The following CEP63 variants were observed in gnomAD, a reference collection of about 807,000 sequenced individuals.
The protein encoded by CEP63 is centrosomal protein of 63 kDa.
In CEP63, 84 loss-of-function variants were observed where a neutral mutation model predicts 89.1. The ratio of observed to expected loss-of-function variants is 0.94; its 90% CI spans 0.79 to 1.13. CEP63 has a LOEUF of 1.13. Ranked by LOEUF, CEP63 falls within the 50% of genes most tolerant of loss-of-function variation. The pLI is 0.00. For synonymous variants in CEP63, 267 were observed against 272.5 expected, an observed-to-expected ratio of 0.98 and a Z score of 0.20; for missense variants, 838 against 813.3, an observed-to-expected ratio of 1.03 and a Z score of -0.37.
chr3:134,603,831 G>A, the CEP63 span: 354 of 1,613,958 alleles, frequency 2.2e-4, 1 homozygote, highest in African/African-American at 4.0e-3. Flanking sequence ...GCAGCTCATT[G>A]TCCTGTCCCC....
the CEP63 span, among the ~76,000 whole-genome samples, chr3:134,667,885 T>C: frequency 3.3e-5 from 5 of 152,230 alleles, no homozygotes. Flanking sequence ...AGTAAGATGA[T>C]ACAGAGCAAA....
At chr3:134,542,782 C>T (rs1952325984) in intron 6 of CEP63, among the ~76,000 whole-genome samples, 1 of 152,118 alleles carries the variant, frequency 6.6e-6, no homozygotes, top group Admixed American at 6.5e-5. Flanking sequence ...GTTTCAGTCT[C>T]CCTGATGTAA....
In CEP63 at chr3:134,558,230, A is replaced by C. The variant is rs766756223; in HGVS notation, c.1556A>C (p.Asp519Ala). The C allele has an allele frequency of 6.2e-7, 1 of 1,613,728 alleles. No individual in the cohort carries two copies. Among genetic ancestry groups the C allele is most frequent in the Non-Finnish European group, 8.5e-7 (1 of 1,179,690 alleles). ...LVSENQQLQKDLMNTKSQLEI... is the reference protein window; with the variant it reads ...LVSENQQLQKALMNTKSQLEI... Reference sequence around the variant, plus strand: ...TCTGAAAATCAACAACTACAGAAAGATTTGATGAATACCAAATCTCAGCTG... The same window carrying C: ...TCTGAAAATCAACAACTACAGAAAGCTTTGATGAATACCAAATCTCAGCTG... The change falls in exon 13 of 15, where the codon GAT becomes GCT. Residue 519 changes from aspartate to alanine, a missense_variant. Physicochemically the swap from Asp to Ala is moderately radical, Grantham distance 126. Transcript: ENST00000675561.
the CEP63 span, among the ~76,000 whole-genome samples, chr3:134,736,334 T>C: frequency 6.6e-6 from 1 of 152,152 alleles, no homozygotes; most frequent in Non-Finnish European, 1.5e-5. Flanking sequence ...TTTAACATTT[T>C]ACAAGAGGCT....
At chr3:134,553,627 A>C (rs1002022835) in intron 12 of CEP63, 1 of 152,252 alleles carries the variant, frequency 6.6e-6, no homozygotes, top group Non-Finnish European at 1.5e-5. Context: ...AATAACCTTT[A>C]AAAACTAATA....
the CEP63 span, among the ~76,000 whole-genome samples, chr3:134,684,569 G>C: frequency 6.6e-6 from 1 of 152,198 alleles, no homozygotes; most frequent in East Asian, 1.9e-4. Flanking sequence ...ATTCAACAAA[G>C]GAATTCACCA....
chr3:134,718,884 A>G, the CEP63 span, among the ~76,000 whole-genome samples: 1 of 152,204 alleles, frequency 6.6e-6, no homozygotes, highest in East Asian at 1.9e-4. Flanking sequence ...CCAAGATTCC[A>G]TTCATAGTTT....
Position 134,562,305 on chromosome 3 carries a change from C to A in CEP63, c.*770C>A. 1.2e-6 allele frequency: 1 copy of A among 836,932 alleles called. No homozygotes were observed. Among genetic ancestry groups the A allele is most frequent in the Non-Finnish European group, 1.4e-6 (1 of 694,254 alleles). 51.8% of individuals were successfully genotyped at this position (836,932 alleles called of 1,614,324 possible). ...GAGTTGATAAGATCCACCAGGGAGG[C>A]TGTGGAGAGAGAGAGGAGCAGGAGG... On this transcript the variant is annotated 3_prime_UTR_variant, in exon 15 of 15. Coordinates refer to ENST00000675561, the MANE Select transcript of CEP63 (RefSeq NM_001353108.3).
the CEP63 span, among the ~76,000 whole-genome samples, chr3:134,701,605 C>T: frequency 9.2e-5 from 14 of 151,576 alleles, no homozygotes; most frequent in African/African-American, 2.4e-4. Context: ...ATATAACAAA[C>T]CCATGGCCAG....
At chr3:134,502,950 G>T (rs561993200) in intron 2 of CEP63, among the ~76,000 whole-genome samples, 125 of 152,076 alleles carry the variant, frequency 8.2e-4, no homozygotes, top group African/African-American at 3.0e-3. Flanking sequence ...ACATGGCAAA[G>T]AATTTTTTCA....
chr3:134,504,628 T>TA (rs1438021180), intron 2 of CEP63, among the ~76,000 whole-genome samples: 1 of 152,214 alleles, frequency 6.6e-6, no homozygotes, highest in Non-Finnish European at 1.5e-5. Flanking sequence ...GAGCTTCCTT[T>TA]ATTTGGATAT....
intron 3 of CEP63, among the ~76,000 whole-genome samples, chr3:134,531,151 T>G (rs1433590236): frequency 6.6e-6 from 1 of 152,238 alleles, no homozygotes; most frequent in Non-Finnish European, 1.5e-5. Flanking sequence ...TATTCTGTAC[T>G]TTATTGTAGA....
the CEP63 span, among the ~76,000 whole-genome samples, chr3:134,750,605 C>T: frequency 2.0e-5 from 3 of 152,170 alleles, no homozygotes; most frequent in Non-Finnish European, 4.4e-5. Context: ...ACTAGCAGAA[C>T]TGCAGCCTCC....
chr3:134,582,583 T>C (rs2110333869), intron 10 of CEP63, among the ~76,000 whole-genome samples: 1 of 152,372 alleles, frequency 6.6e-6, no homozygotes, highest in East Asian at 1.9e-4. Flanking sequence ...CTATCATTGA[T>C]GGACATTGGG....
intron 2 of CEP63, among the ~76,000 whole-genome samples, chr3:134,496,092 A>G (rs1381241680): frequency 2.0e-5 from 3 of 152,214 alleles, no homozygotes; most frequent in South Asian, 4.1e-4. Flanking sequence ...AGATTACCCA[A>G]TAGTGTGCTT....
At chr3:134,505,627 G>A (rs146603666) in intron 2 of CEP63, among the ~76,000 whole-genome samples, 27 of 152,342 alleles carry the variant, frequency 1.8e-4, no homozygotes, top group African/African-American at 6.0e-4. Context: ...AGTGGTGGCA[G>A]TAGTGGGTGA....
chr3:134,591,071 C>T (rs148586038), downstream of CEP63, among the ~76,000 whole-genome samples: 297 of 152,306 alleles, frequency 2.0e-3, no homozygotes, highest in African/African-American at 7.0e-3. Flanking sequence ...AGAGATGGCT[C>T]ATGAGAGGCA....
At chr3:134,695,622 C>T in the CEP63 span, among the ~76,000 whole-genome samples, 5 of 152,168 alleles carry the variant, frequency 3.3e-5, no homozygotes, top group African/African-American at 1.2e-4. Context: ...GTCTTATAGA[C>T]TCCCGGAAGG....
rs11914518 is a variant in CEP63, at chr3:134,502,244, G to A, written c.45-4865G>A. On this transcript the variant is annotated intron_variant, in intron 2 of 14. Coordinates refer to ENST00000675561, the MANE Select transcript of CEP63 (RefSeq NM_001353108.3). Reference sequence around the variant, plus strand: ...TGGATTCAGTTTGTATTTTGTTGAGGATTTTTGCATCTATGTTCATTAGGG... The same window carrying A: ...TGGATTCAGTTTGTATTTTGTTGAGAATTTTTGCATCTATGTTCATTAGGG... Among the ~76,000 whole-genome samples the A allele has an allele frequency of 1.7e-3, 263 of 151,768 alleles. 1 individual carries two copies. The highest frequency in any genetic ancestry group is 5.8e-3 in the African/African-American group (241 of 41,384).
Sources: gnomAD v4.1 joint callset for allele counts (sites outside exome capture counted in the v4.1 genomes callset) on GRCh38, gnomAD v4.1.1 for gene constraint, MANE v1.5 for transcripts, NCBI Gene and HGNC (gene_info 2026-07-23, HGNC 2026-07-21) for gene names.